Variants in NTNG1 observed in about 807,000 individuals in gnomAD.
NTNG1 encodes the protein netrin-G1.
A neutral mutation model predicts 54.0 loss-of-function variants in NTNG1; 16 were observed. The ratio of observed to expected loss-of-function variants is 0.30; its 90% CI spans 0.20 to 0.45. The LOEUF (loss-of-function observed/expected upper bound fraction) is 0.45. NTNG1 is among the 20% of genes least tolerant of loss of function. The pLI, the probability that NTNG1 is intolerant of heterozygous loss-of-function variation, is 1.00. For synonymous variants in NTNG1, 255 were observed against 263.1 expected, an observed-to-expected ratio of 0.97 and a Z score of 0.30; for missense variants, 530 against 678.7, an observed-to-expected ratio of 0.78 and a Z score of 2.43.
At chr1:107,473,119 G>A (rs1678090866) in intron 7 of NTNG1, among the ~76,000 whole-genome samples, 1 of 152,142 alleles carries the variant, frequency 6.6e-6, no homozygotes, top group Non-Finnish European at 1.5e-5. Flanking sequence ...AGGTGGTAAA[G>A]GTAGAGGTCA....
chr1:107,379,316 G>T (rs759093307), intron 3 of NTNG1, among the ~76,000 whole-genome samples: 6 of 152,140 alleles, frequency 3.9e-5, no homozygotes, highest in African/African-American at 1.4e-4. Context: ...CTACGGAATT[G>T]TAAAGACCTA....
At position 107,148,905 on chromosome 1, in the gene NTNG1, G is replaced by A. The variant is rs1257518472; in HGVS notation, c.246+66G>A. 3.4e-6 allele frequency: 5 copies of A among 1,468,538 alleles called. No individual in the cohort carries two copies. In the African/African-American group the frequency reaches 4.2e-5, roughly 12 times the overall value. The allele number at this position is 1,468,538 out of a possible 1,614,324, so 91.0% of individuals were successfully genotyped here. A position where few individuals can be genotyped will look rare whatever the true frequency, so the allele number is the denominator to read the frequency against. On this transcript the variant is annotated intron_variant, in intron 2 of 7. Transcript: ENST00000370068. ...GGTCTAATCGCATATGCATACAGAT[G>A]TGGTGAGTGTGAAGACAATTCATGC... is the stretch of plus-strand genomic sequence containing the variant.
chr1:107,158,410 C>T (rs898928387), intron 2 of NTNG1, among the ~76,000 whole-genome samples: 2 of 152,054 alleles, frequency 1.3e-5, no homozygotes, highest in African/African-American at 2.4e-5. Flanking sequence ...GAGGAAAAAA[C>T]AGAATTGGTT....
chr1:107,376,633 ATTTTG>A (rs1671280847), intron 3 of NTNG1, among the ~76,000 whole-genome samples: 1 of 151,944 alleles, frequency 6.6e-6, no homozygotes, highest in Non-Finnish European at 1.5e-5. Context: ...CTGGCCCTGA[ATTTTG>A]TTTTGTTTCT....
chr1:107,140,361 C>T (rs1202704928), upstream of NTNG1, among the ~76,000 whole-genome samples: 1 of 152,068 alleles, frequency 6.6e-6, no homozygotes, highest in African/African-American at 2.4e-5. Flanking sequence ...TTAATTGGCA[C>T]TGGCCCCTAA....
chr1:107,230,527 A>C (rs1194924192), intron 2 of NTNG1, among the ~76,000 whole-genome samples: 2 of 152,210 alleles, frequency 1.3e-5, no homozygotes, highest in African/African-American at 4.8e-5. Flanking sequence ...GGAAAGACTG[A>C]GTCAATAGAA....
intron 2 of NTNG1, among the ~76,000 whole-genome samples, chr1:107,231,291 A>T (rs564246037): frequency 2.0e-5 from 3 of 152,300 alleles, no homozygotes; most frequent in Admixed American, 6.5e-5. Flanking sequence ...CCCACTCAGT[A>T]CTGGATCGCT....
chr1:107,447,582 C>T (rs920689862), intron 7 of NTNG1, among the ~76,000 whole-genome samples: 7 of 152,006 alleles, frequency 4.6e-5, no homozygotes, highest in Non-Finnish European at 1.0e-4. Context: ...AATCAGGCCT[C>T]GAAATTTCTG....
chr1:107,395,378 T>C, intron 4 of NTNG1, 52 bp downstream of exon 4: 1 of 1,480,372 alleles, frequency 6.8e-7, no homozygotes, highest in South Asian at 1.1e-5. Flanking sequence ...GAGGTGATAG[T>C]TCCTCTCAAT....
chr1:107,184,648 C>T (rs1223891192), intron 2 of NTNG1, among the ~76,000 whole-genome samples: 1 of 152,102 alleles, frequency 6.6e-6, no homozygotes, highest in Non-Finnish European at 1.5e-5. Flanking sequence ...TAGTGTAAGC[C>T]TTTTTCTACC....
intron 2 of NTNG1, among the ~76,000 whole-genome samples, chr1:107,182,959 A>T (rs1657182414): frequency 6.6e-6 from 1 of 152,176 alleles, no homozygotes; most frequent in African/African-American, 2.4e-5. Context: ...CAGTGATATT[A>T]AGGTCACATT....
At chr1:107,366,308 C>T (rs138790640) in intron 3 of NTNG1, among the ~76,000 whole-genome samples, 202 of 152,198 alleles carry the variant, frequency 1.3e-3, no homozygotes, top group African/African-American at 4.5e-3. Context: ...AAATATAGAT[C>T]GGAAGTTGTG....
chr1:107,318,313 C>T (rs1570665162), intron 2 of NTNG1, among the ~76,000 whole-genome samples: 1 of 152,140 alleles, frequency 6.6e-6, no homozygotes, highest in East Asian at 1.9e-4. Context: ...TTATCAGGTC[C>T]ATTGTCATAG....
chr1:107,231,246 G>T (rs1011013140), intron 2 of NTNG1, among the ~76,000 whole-genome samples: 1 of 152,134 alleles, frequency 6.6e-6, no homozygotes, highest in Non-Finnish European at 1.5e-5. Flanking sequence ...AAGCTCAATT[G>T]CTGGCATAAA....
Position 107,263,063 on chromosome 1 carries a change from AAG to A in NTNG1, c.247-61216_247-61215del, listed in dbSNP as rs779360529. Among the ~76,000 whole-genome samples, 9 of 152,322 alleles carry A rather than the reference AAG, an allele frequency of 5.9e-5. No homozygotes were observed. The East Asian group carries it at 1.4e-3, about 23-fold the overall frequency. ...GTTACTGTGCAAACAATTCTGATAA[AAG>A]AGGGGGGAATGCTATGGAATCAATA... On this transcript the variant is annotated intron_variant, in intron 2 of 7. Coordinates refer to ENST00000370068, the MANE Select transcript of NTNG1 (RefSeq NM_001113226.3).
intron 2 of NTNG1, among the ~76,000 whole-genome samples, chr1:107,234,106 C>T (rs1046456645): frequency 2.6e-5 from 4 of 151,946 alleles, no homozygotes; most frequent in Non-Finnish European, 5.9e-5. Flanking sequence ...AGCATAATGA[C>T]GTAATGGGCT....
intron 2 of NTNG1, among the ~76,000 whole-genome samples, chr1:107,253,184 G>C (rs1305710892): frequency 1.3e-5 from 2 of 152,160 alleles, no homozygotes; most frequent in African/African-American, 4.8e-5. Context: ...GAAAGCTCCT[G>C]GTACTCAGTA....
chr1:107,480,576 G>GCCCCCCCC, intron 7 of NTNG1, 35 bp from the exon 8 acceptor site: 1 of 339,094 alleles, frequency 2.9e-6, no homozygotes, highest in Non-Finnish European at 5.7e-6. Context: ...TCCTCCCCGC[G>GCCCCCCCC]CCCACCCACC....
At chr1:107,315,565 G>A (rs552832006) in intron 2 of NTNG1, among the ~76,000 whole-genome samples, 1 of 152,022 alleles carries the variant, frequency 6.6e-6, no homozygotes, top group South Asian at 2.1e-4. Context: ...TATCAGTTCC[G>A]TGAAACCCCA....
Sources: allele counts gnomAD v4.1 joint callset (sites outside exome capture counted in the v4.1 genomes callset), GRCh38; gene constraint gnomAD v4.1.1; transcripts MANE v1.5; gene names NCBI Gene and HGNC (gene_info 2026-07-23, HGNC 2026-07-21).